Variants in CLVS1 observed in about 807,000 individuals in gnomAD.
CLVS1 encodes clavesin 1.
Under a neutral mutation model 33.1 loss-of-function variants are expected in CLVS1, and 10 were observed. The observed-to-expected ratio is 0.30, with a 90% CI of 0.19 to 0.51. CLVS1 has a LOEUF of 0.51. Ranked by LOEUF, CLVS1 falls within the 20% of genes least tolerant of loss-of-function variation. CLVS1 has a pLI of 0.97. For synonymous variants in CLVS1, 163 were observed against 166.1 expected, an observed-to-expected ratio of 0.98 and a Z score of 0.14; for missense variants, 343 against 433.4, an observed-to-expected ratio of 0.79 and a Z score of 1.85.
At chr8:61,300,468 G>A in intron 2 of CLVS1, 186 bp downstream of exon 2, 1 of 566,834 alleles carries the variant, frequency 1.8e-6, no homozygotes, top group Non-Finnish European at 3.1e-6. Flanking sequence ...CAATAGAATT[G>A]TAACATTAGA....
chr8:61,239,623 C>A (rs1348256014), intron 2 of CLVS1, among the ~76,000 whole-genome samples: 3 of 151,986 alleles, frequency 2.0e-5, no homozygotes, highest in African/African-American at 7.3e-5. Context: ...GGAGTCCCAG[C>A]TACTTGGGAG....
intron 2 of CLVS1, among the ~76,000 whole-genome samples, chr8:61,147,185 G>A (rs913591007): frequency 1.1e-4 from 16 of 152,190 alleles, no homozygotes; most frequent in African/African-American, 3.9e-4. Context: ...AGGGAGAAAG[G>A]GAATCACGTG....
intron 1 of CLVS1, among the ~76,000 whole-genome samples, chr8:61,086,469 T>C (rs971941120): frequency 1.3e-5 from 2 of 152,228 alleles, no homozygotes; most frequent in African/African-American, 4.8e-5. Context: ...ATACTTATAC[T>C]AAAGCAATAT....
the CLVS1 span, among the ~76,000 whole-genome samples, chr8:61,041,273 C>T: frequency 6.6e-6 from 1 of 151,970 alleles, no homozygotes; most frequent in African/African-American, 2.4e-5. Context: ...TGTAATGCCT[C>T]CAGCTATGTT....
At chr8:61,226,396 C>T (rs139485109) in intron 2 of CLVS1, among the ~76,000 whole-genome samples, 449 of 152,306 alleles carry the variant, frequency 2.9e-3, no homozygotes, top group Non-Finnish European at 5.4e-3. Context: ...TGCGTTCTTG[C>T]TTGCAAGACA....
intron 5 of CLVS1, among the ~76,000 whole-genome samples, chr8:61,475,640 GTTGT>G (rs1365140315): frequency 2.0e-5 from 3 of 152,020 alleles, no homozygotes; most frequent in East Asian, 1.9e-4. Flanking sequence ...TTTTGATGGG[GTTGT>G]TTGTTTTTTT....
intron 3 of CLVS1, among the ~76,000 whole-genome samples, chr8:61,440,154 T>C (rs1386161476): frequency 1.3e-5 from 2 of 152,230 alleles, no homozygotes; most frequent in African/African-American, 4.8e-5. Flanking sequence ...AAGGAATGTG[T>C]CTTGTATATT....
the CLVS1 span, among the ~76,000 whole-genome samples, chr8:60,985,838 C>T: frequency 2.7e-5 from 4 of 149,268 alleles, no homozygotes; most frequent in Non-Finnish European, 5.9e-5. Flanking sequence ...AACCTGCTGG[C>T]GAGAGAACAG....
intron 2 of CLVS1, among the ~76,000 whole-genome samples, chr8:61,342,887 AGAG>A (rs1812074342): frequency 6.6e-6 from 1 of 152,240 alleles, no homozygotes; most frequent in Non-Finnish European, 1.5e-5. Context: ...AATATCCAAA[AGAG>A]GAGATGTGTT....
chr8:61,035,096 T>C, the CLVS1 span, among the ~76,000 whole-genome samples: 1 of 152,288 alleles, frequency 6.6e-6, no homozygotes, highest in East Asian at 1.9e-4. Flanking sequence ...GTGTTTAGGG[T>C]TCAAAATAGA....
At chr8:61,096,063 G>A (rs1805346059) in intron 1 of CLVS1, among the ~76,000 whole-genome samples, 1 of 152,206 alleles carries the variant, frequency 6.6e-6, no homozygotes, top group Non-Finnish European at 1.5e-5. Context: ...ATGACCTTGA[G>A]TATAATCAAT....
chr8:61,136,315 T>C (rs766488471), intron 2 of CLVS1, among the ~76,000 whole-genome samples: 8 of 152,204 alleles, frequency 5.3e-5, no homozygotes, highest in African/African-American at 9.7e-5. Flanking sequence ...TTTAAACACT[T>C]GGTTCACAGC....
At chr8:61,410,694 T>G (rs1425518443) in intron 3 of CLVS1, among the ~76,000 whole-genome samples, 3 of 152,170 alleles carry the variant, frequency 2.0e-5, no homozygotes, top group African/African-American at 7.2e-5. Flanking sequence ...CCGGCTGGAG[T>G]GCAGTGGCAT....
At chr8:61,314,780 T>C (rs1320430069) in intron 2 of CLVS1, among the ~76,000 whole-genome samples, 1 of 152,232 alleles carries the variant, frequency 6.6e-6, no homozygotes, top group East Asian at 1.9e-4. Context: ...TGTTGTTACT[T>C]CTTTCTCCTT....
chr8:61,220,738 A>C (rs1444380264), intron 2 of CLVS1, among the ~76,000 whole-genome samples: 1 of 151,940 alleles, frequency 6.6e-6, no homozygotes, highest in African/African-American at 2.4e-5. Context: ...TGGATCTGTA[A>C]ATTGCTTTGG....
chr8:61,347,999 T>C (rs1812298435), intron 2 of CLVS1, among the ~76,000 whole-genome samples: 1 of 151,744 alleles, frequency 6.6e-6, no homozygotes, highest in South Asian at 2.1e-4. Context: ...CTCAGCGATT[T>C]TCAATGTACA....
intron 5 of CLVS1, among the ~76,000 whole-genome samples, chr8:61,480,478 T>A (rs1301021448): frequency 3.9e-5 from 6 of 152,212 alleles, no homozygotes; most frequent in African/African-American, 7.2e-5. Flanking sequence ...TGGTGCCGTC[T>A]GTCACCCCTT....
Position 61,454,161 on chromosome 8 carries a change from T to C in CLVS1, c.651T>C (p.Phe217=). The C allele has an allele frequency of 6.2e-7, 1 of 1,614,100 alleles. No homozygotes were observed. Residue 217 remains phenylalanine, a synonymous_variant, in exon 4 of 6, where the codon TTT becomes TTC. Transcript: ENST00000325897. The stretch of plus-strand genomic sequence containing the variant: ...CCCAGGACAGCTTTCCTGCCCGCTT[T>C]GGAGGAGTCCACTTTGTCAACCAGC... ...EGLQDSFPAR[F]GGVHFVNQPW...
At chr8:60,985,181 T>C in the CLVS1 span, among the ~76,000 whole-genome samples, 2 of 152,346 alleles carry the variant, frequency 1.3e-5, no homozygotes, top group Non-Finnish European at 2.9e-5. Context: ...AAGGATTCTG[T>C]CACGGGAGGA....
Sources: allele counts gnomAD v4.1 joint callset (sites outside exome capture counted in the v4.1 genomes callset), GRCh38; gene constraint gnomAD v4.1.1; transcripts MANE v1.5; gene names NCBI Gene and HGNC (gene_info 2026-07-23, HGNC 2026-07-21).